The following FGGY variants were observed in gnomAD, a reference collection of about 807,000 sequenced individuals.
The protein encoded by FGGY is FGGY carbohydrate kinase domain-containing protein.
A neutral mutation model predicts 71.3 loss-of-function variants in FGGY; 72 were observed. That is an observed-to-expected ratio of 1.01 (90% CI 0.84 to 1.23). The LOEUF (loss-of-function observed/expected upper bound fraction) is 1.23, where lower values mean the gene tolerates loss of function less well. FGGY is among the 50% of genes most tolerant of loss of function. FGGY has a pLI of 0.00. For synonymous variants in FGGY, 251 were observed against 250.3 expected (o/e 1.00, Z -0.02); for missense variants, 668 against 682.3 (o/e 0.98, Z 0.23).
intron 2 of FGGY, among the ~76,000 whole-genome samples, chr1:59,331,517 C>T (rs537247768): frequency 6.6e-6 from 1 of 152,268 alleles, no homozygotes; most frequent in East Asian, 1.9e-4. Context: ...ATGAGGTCCA[C>T]TCCTCATGTC....
chr1:59,423,554 T>C (rs1227916270), intron 5 of FGGY, among the ~76,000 whole-genome samples: 2 of 152,176 alleles, frequency 1.3e-5, no homozygotes, highest in African/African-American at 4.8e-5. Context: ...TCCGGCCCAC[T>C]TTTCTCAGGG....
intron 4 of FGGY, among the ~76,000 whole-genome samples, chr1:59,357,067 CTGCTGTT>C (rs2054469752): frequency 1.3e-5 from 2 of 152,170 alleles, no homozygotes; most frequent in Admixed American, 1.3e-4. Context: ...GTATTGTCAG[CTGCTGTT>C]AGGGCATGTG....
intron 11 of FGGY, among the ~76,000 whole-genome samples, chr1:59,653,789 C>G (rs2097192770): frequency 6.6e-6 from 1 of 152,314 alleles, no homozygotes; most frequent in Middle Eastern, 3.4e-3. Flanking sequence ...CTGCCACCAT[C>G]TTTTAAGCCA....
intron 6 of FGGY, among the ~76,000 whole-genome samples, chr1:59,475,389 T>C (rs1012395645): frequency 1.6e-4 from 25 of 152,354 alleles, no homozygotes; most frequent in African/African-American, 6.0e-4. Flanking sequence ...ATACAGGATA[T>C]GTTGGTTAAC....
chr1:59,321,631 G>A lies in FGGY; in HGVS notation c.82G>A (p.Asp28Asn). Residue 28 changes from aspartate (D) to asparagine (N), a missense_variant, in exon 2 of 16, where the codon GAC becomes AAC. Coordinates refer to ENST00000303721, the MANE Select transcript of FGGY (RefSeq NM_018291.5). ...AGGCAGTGTCCGTGCAGCTCTGGTG[G>A]ACCAGAGTGGGGTCCTGTTGGCTTT... is the stretch of plus-strand genomic sequence containing the variant. ...GTGSVRAALVDQSGVLLAFAD... is the reference protein window; with the variant it reads ...GTGSVRAALVNQSGVLLAFAD... 6.2e-7 allele frequency: 1 copy of A among 1,613,794 alleles called. No homozygotes were observed. Among genetic ancestry groups the A allele is most frequent in the Non-Finnish European group, 8.5e-7 (1 of 1,179,802 alleles).
intron 5 of FGGY, among the ~76,000 whole-genome samples, chr1:59,430,963 G>A (rs2067250131): frequency 6.6e-6 from 1 of 152,066 alleles, no homozygotes; most frequent in Non-Finnish European, 1.5e-5. Flanking sequence ...CATGGTAAAG[G>A]TGCTGTGATC....
At chr1:59,564,893 A>G (rs569180134) in intron 8 of FGGY, among the ~76,000 whole-genome samples, 2 of 152,166 alleles carry the variant, frequency 1.3e-5, no homozygotes, top group African/African-American at 4.8e-5. Context: ...GAATCTATCT[A>G]TCAGATGGCC....
intron 14 of FGGY, among the ~76,000 whole-genome samples, chr1:59,737,193 G>A (rs2098113553): frequency 6.6e-6 from 1 of 152,264 alleles, no homozygotes; most frequent in Non-Finnish European, 1.5e-5. Flanking sequence ...GGATGTCCAG[G>A]CAGAAGTTTG....
At chr1:59,338,135 C>A (rs1281330159) in intron 2 of FGGY, among the ~76,000 whole-genome samples, 1 of 152,048 alleles carries the variant, frequency 6.6e-6, no homozygotes, top group Non-Finnish European at 1.5e-5. Flanking sequence ...TGTGCGTATT[C>A]CATTAATTAA....
At chr1:59,497,315 C>T (rs1481837290) in intron 6 of FGGY, among the ~76,000 whole-genome samples, 3 of 152,172 alleles carry the variant, frequency 2.0e-5, no homozygotes, top group Non-Finnish European at 2.9e-5. Context: ...AGGCTGGACA[C>T]GGTGGCTCAT....
chr1:59,382,134 G>C (rs752652446), intron 5 of FGGY, among the ~76,000 whole-genome samples: 1 of 152,138 alleles, frequency 6.6e-6, no homozygotes, highest in Admixed American at 6.5e-5. Context: ...AGTAATTAGG[G>C]AGGCAGGTAT....
chr1:59,611,062 C>G (rs1446717248), intron 9 of FGGY, among the ~76,000 whole-genome samples: 1 of 152,218 alleles, frequency 6.6e-6, no homozygotes, highest in Non-Finnish European at 1.5e-5. Flanking sequence ...GACCTGCCTG[C>G]CTCTGTAGAC....
At chr1:59,372,818 A>T (rs1225259486) in intron 4 of FGGY, among the ~76,000 whole-genome samples, 1 of 152,110 alleles carries the variant, frequency 6.6e-6, no homozygotes, top group East Asian at 1.9e-4. Context: ...CCACATGATT[A>T]TCTCAATAGA....
intron 9 of FGGY, among the ~76,000 whole-genome samples, chr1:59,610,583 G>A (rs994966405): frequency 2.6e-5 from 4 of 152,240 alleles, no homozygotes; most frequent in Non-Finnish European, 4.4e-5. Flanking sequence ...CTCCCAGCAT[G>A]AGCGATGCAG....
intron 14 of FGGY, among the ~76,000 whole-genome samples, chr1:59,695,411 T>C (rs1185179464): frequency 1.3e-5 from 2 of 152,190 alleles, no homozygotes; most frequent in African/African-American, 4.8e-5. Context: ...ACATAGGAGC[T>C]TGCAACACAC....
intron 14 of FGGY, among the ~76,000 whole-genome samples, chr1:59,725,923 T>G (rs2097942194): frequency 6.6e-6 from 1 of 152,186 alleles, no homozygotes; most frequent in Non-Finnish European, 1.5e-5. Flanking sequence ...TTTGTCTTTT[T>G]GCACTAGCTA....
At chr1:59,355,738 G>T (rs1266002829) in intron 4 of FGGY, among the ~76,000 whole-genome samples, 4 of 151,994 alleles carry the variant, frequency 2.6e-5, no homozygotes, top group Admixed American at 2.6e-4. Flanking sequence ...CACAATAGTA[G>T]GTTGTAGAGC....
chr1:59,468,958 C>T (rs1236218993), intron 6 of FGGY, among the ~76,000 whole-genome samples: 4 of 151,876 alleles, frequency 2.6e-5, no homozygotes, highest in Non-Finnish European at 5.9e-5. Context: ...GTGAACAGAG[C>T]CACCTCAGGC....
intron 5 of FGGY, among the ~76,000 whole-genome samples, chr1:59,437,514 A>T (rs2068738302): frequency 6.6e-6 from 1 of 152,140 alleles, no homozygotes; most frequent in South Asian, 2.1e-4. Context: ...CTGAAAATGT[A>T]TTTGCCTTGA....
Sources: gnomAD v4.1 joint callset for allele counts (sites outside exome capture counted in the v4.1 genomes callset) on GRCh38, gnomAD v4.1.1 for gene constraint, MANE v1.5 for transcripts, NCBI Gene and HGNC (gene_info 2026-07-23, HGNC 2026-07-21) for gene names.